Variants in TTN observed in about 807,000 individuals in gnomAD.
TTN encodes connectin.
Under a neutral mutation model 3,223.0 loss-of-function variants are expected in TTN, and 1,525 were observed. The ratio of observed to expected loss-of-function variants is 0.47; its 90% CI spans 0.45 to 0.49. The LOEUF (loss-of-function observed/expected upper bound fraction) is 0.49, where lower values mean the gene tolerates loss of function less well. Ranked by LOEUF, TTN falls within the 20% of genes least tolerant of loss-of-function variation. TTN has a pLI of 0.00. For synonymous variants in TTN, 14,094 were observed against 15,161.0 expected (o/e 0.93, Z 5.17); for missense variants, 40,786 against 43,424.0 (o/e 0.94, Z 5.40).
chr2:178,805,558 G>A (rs2094279131), intron 1 of TTN, among the ~76,000 whole-genome samples: 1 of 152,068 alleles, frequency 6.6e-6, no homozygotes, highest in Admixed American at 6.6e-5. Context: ...AGAAGCTTTG[G>A]CAAGCCTTAT....
intron 43 of TTN, among the ~76,000 whole-genome samples, chr2:178,759,420 T>C (rs532936214): frequency 1.3e-5 from 2 of 152,230 alleles, no homozygotes; most frequent in African/African-American, 4.8e-5. Flanking sequence ...TTTAAAATGA[T>C]AGAACTTCAG....
At position 178,733,672 on chromosome 2, in the gene TTN, C is replaced by T. The variant is rs72648932; in HGVS notation, c.15717G>A (p.Thr5239=). Residue 5239 remains threonine (T), a synonymous_variant, in exon 53 of 363, where the codon ACG becomes ACA. Transcript: ENST00000589042. ...TTCCAGCTTCATTTTCAGCCAGGCACGTGTATTTGCCTCCAAAACTAATCT... is the reference window on the plus strand; with the variant it reads ...TTCCAGCTTCATTTTCAGCCAGGCATGTGTATTTGCCTCCAAAACTAATCT... ...DVQISFGGKY[T]CLAENEAGSQ... 6,168 of 1,613,624 alleles carry T rather than the reference C, an allele frequency of 3.8e-3. 196 individuals carry two copies. The African/African-American group carries it at 0.072, about 19-fold the overall frequency.
At chr2:178,681,223 A>G in intron 137 of TTN, 52 bp from the exon 138 acceptor site, 2 of 1,506,880 alleles carry the variant, frequency 1.3e-6, no homozygotes, top group East Asian at 2.3e-5. Context: ...CTTGAATACT[A>G]TGTAATAAAT....
intron 47 of TTN, chr2:178,751,903 A>G: frequency 1.9e-6 from 3 of 1,595,012 alleles, no homozygotes; most frequent in African/African-American, 2.7e-5. Flanking sequence ...TAAAATATTC[A>G]GGCCAGGAGC....
At chr2:178,780,305 C>T (rs1342777837) in intron 21 of TTN, 100 bp from the exon 22 acceptor site, 1 of 1,072,844 alleles carries the variant, frequency 9.3e-7, no homozygotes, top group Non-Finnish European at 1.4e-6. Context: ...AAGTTGATAA[C>T]CAAAAACCAA....
chr2:178,718,338 A>G lies in TTN; in HGVS notation c.24768T>C (p.Ala8256=). 1.2e-6 allele frequency: 2 copies of G among 1,613,452 alleles called. No individual in the cohort carries two copies. The highest frequency in any genetic ancestry group is 1.7e-6 in the Non-Finnish European group (2 of 1,179,536). The change falls in exon 85 of 363, where the codon GCT becomes GCC. Residue 8256 remains alanine, a synonymous_variant. Coordinates refer to ENST00000589042, the MANE Select transcript of TTN (RefSeq NM_001267550.2). ...TCAACACACCTAAGACAGACACCAG[A>G]GCTTCACAGATATCTTGACCAGCCT... ...ENEAGQDICE[A]LVSVLEPPYF...
chr2:178,573,740 G>C lies in TTN; in HGVS notation c.72392C>G (p.Ala24131Gly). The change falls in exon 326 of 363, where the codon GCT (alanine) becomes GGT (glycine). Residue 24131 changes from alanine to glycine, a missense_variant. Ala to Gly is a moderately conservative substitution (Grantham distance 60). Coordinates refer to ENST00000589042, the MANE Select transcript of TTN (RefSeq NM_001267550.2). ...CTTTTCTGATGTCACTTCAGTTACA[G>C]CCAAAGGTCCTTCAGGTGGGCCTGG... ...DRPGPPEGPLAVTEVTSEKCV... is the reference protein window; with the variant it reads ...DRPGPPEGPLGVTEVTSEKCV... The C allele has an allele frequency of 6.4e-7, 1 of 1,573,060 alleles. No homozygotes were observed. The highest frequency in any genetic ancestry group is 8.6e-7 in the Non-Finnish European group (1 of 1,161,666).
Position 178,546,056 on chromosome 2 carries a change from A to G in TTN, c.95180T>C (p.Leu31727Ser). The change falls in exon 343 of 363, where the codon TTA becomes TCA. Residue 31727 changes from leucine (L) to serine (S), a missense_variant. By Grantham distance (145) the Leu-to-Ser change is moderately radical (BLOSUM62 -2). Coordinates refer to ENST00000589042, the MANE Select transcript of TTN (RefSeq NM_001267550.2). ...GTCTTCCTGCGGAAGGCTCCAGGCT[A>G]AAGTGCACTTCTCCTGTGTTACTCT... ...VSRVTQEKCT[L>S]AWSLPQEDGG... 2 of 1,613,692 alleles carry G rather than the reference A, an allele frequency of 1.2e-6. No homozygotes were observed. Among genetic ancestry groups the G allele is most frequent in the Non-Finnish European group, 8.5e-7 (1 of 1,179,700 alleles).
chr2:178,607,715 C>A lies in TTN; in HGVS notation c.53003-30G>T, dbSNP rs762096449. ...TGAAAGAGAACAGTCATGCATTAGC[C>A]CATGAAAGATTAAAAAATAGTCCCA... On this transcript the variant is annotated intron_variant, in intron 276 of 362. Coordinates refer to ENST00000589042, the MANE Select transcript of TTN (RefSeq NM_001267550.2). The A allele has an allele frequency of 2.5e-6, 4 of 1,611,872 alleles. No individual in the cohort carries two copies. The Admixed American group carries it at 5.0e-5, about 20-fold the overall frequency.
Position 178,592,045 on chromosome 2 carries a change from C to G in TTN, c.59859G>C (p.Ala19953=), listed in dbSNP as rs759120495. ...AAGGACCACGTCCATACTGGTTCTC[C>G]GCAGCTACTCGGAAGAGGTACTGGT... ...EGNQYLFRVA[A]ENQYGRGPFV... Residue 19953 remains alanine (A), a synonymous_variant, in exon 302 of 363, where the codon GCG becomes GCC. Transcript: ENST00000589042. The G allele has an allele frequency of 2.6e-5, 42 of 1,612,928 alleles. 1 individual carries two copies. The South Asian group carries it at 4.6e-4, about 18-fold the overall frequency.
rs1409894500 is a variant in TTN at position 178,774,014 on chromosome 2, T to C, written c.7154A>G (p.Glu2385Gly). Reference protein sequence around the residue: ...LEVKVSLESVEGVWMKDGQEV... With the variant: ...LEVKVSLESVGGVWMKDGQEV... ...TTGGCCGTCTTTCATCCAGACGCCT[T>C]CCACACTTTCCAAGGAGACTTTAAC... The change falls in exon 31 of 363, where the codon GAA (glutamate) becomes GGA (glycine). Residue 2385 changes from glutamate to glycine, a missense_variant. Glu to Gly is a moderately conservative substitution (Grantham distance 98). Transcript: ENST00000589042. 6.2e-7 allele frequency: 1 copy of C among 1,614,130 alleles called. No homozygotes were observed. The highest frequency in any genetic ancestry group is 1.1e-5 in the South Asian group (1 of 91,080).
chr2:178,638,114 C>A (rs2060727305), intron 223 of TTN, among the ~76,000 whole-genome samples: 1 of 151,858 alleles, frequency 6.6e-6, no homozygotes, highest in Non-Finnish European at 1.5e-5. Context: ...AGTTCATCAC[C>A]TTTTTCTGAA....
At position 178,564,798 on chromosome 2, in the gene TTN, T is replaced by C. The variant is rs534444792; in HGVS notation, c.81334A>G (p.Lys27112Glu). ...ACCCATAAAATACTGTTCTTTTCTT[T>C]CTGTTCAAGATGGTAGCCAATAATT... ...TKIIGYHLEQ[K>E]EKNSILWVKL... is the part of the protein sequence containing the mutation. Residue 27112 changes from lysine to glutamate, a missense_variant, in exon 326 of 363, where the codon AAA (lysine) becomes GAA (glutamate). Physicochemically the swap from Lys to Glu is moderately conservative, Grantham distance 56 (BLOSUM62 1). Transcript: ENST00000589042. 4 of 1,612,538 alleles carry C rather than the reference T, an allele frequency of 2.5e-6. No homozygotes were observed. In the South Asian group the frequency reaches 3.3e-5, roughly 13 times the overall value.
intron 80 of TTN, 40 bp downstream of exon 80, chr2:178,720,345 G>A (rs1239612260): frequency 6.3e-7 from 1 of 1,592,356 alleles, no homozygotes. Context: ...AGAACAGATA[G>A]GAGGAAGGGG....
intron 47 of TTN, among the ~76,000 whole-genome samples, chr2:178,744,183 A>G (rs1297135773): frequency 6.6e-6 from 1 of 151,930 alleles, no homozygotes; most frequent in Non-Finnish European, 1.5e-5. Flanking sequence ...AATATTGCTA[A>G]ATGCAGGTGA....
At chr2:178,749,876 G>A in intron 47 of TTN, 3 of 1,613,112 alleles carry the variant, frequency 1.9e-6, no homozygotes, top group Non-Finnish European at 2.5e-6. Context: ...AAGAATGATG[G>A]AATCCCCTTC....
In TTN at chr2:178,678,676, A is replaced by G. The variant is rs2068646913; in HGVS notation, c.33826+71T>C. The G allele has an allele frequency of 1.9e-5, 27 of 1,449,298 alleles. No individual in the cohort carries two copies. In the South Asian group the frequency reaches 3.4e-4, roughly 18 times the overall value. The allele number at this position is 1,449,298 out of a possible 1,614,324, so 89.8% of individuals were successfully genotyped here. A position where few individuals can be genotyped will look rare whatever the true frequency, so the allele number is the denominator to read the frequency against. On this transcript the variant is annotated intron_variant, in intron 143 of 362. Transcript: ENST00000589042. ...AGAGTTGCATCCCAAAGAGTACAGA[A>G]TTAAACCAATTAATTTTTACCCATA...
rs768917357 is a variant in TTN, at chr2:178,581,757, T to G, written c.66511A>C (p.Ser22171Arg). 2 of 1,606,404 alleles carry G rather than the reference T, an allele frequency of 1.2e-6. No homozygotes were observed. The highest frequency in any genetic ancestry group is 2.2e-5 in the South Asian group (2 of 90,200). The part of the protein sequence containing the change: ...AFPKVYDTTR[S>R]SVSLSWGKPA... Reference sequence around the variant, plus strand: ...TTGCCCCAAGATAGACTCACAGAGCTGCGAGTTGTATCATATACTTTAGGG... The same window carrying G: ...TTGCCCCAAGATAGACTCACAGAGCGGCGAGTTGTATCATATACTTTAGGG... The change falls in exon 316 of 363, where the codon AGC becomes CGC. Residue 22171 changes from serine (S) to arginine (R), a missense_variant. Coordinates refer to ENST00000589042, the MANE Select transcript of TTN (RefSeq NM_001267550.2).
chr2:178,624,545 T>C lies in TTN; in HGVS notation c.44735A>G (p.His14912Arg). The change falls in exon 242 of 363, where the codon CAT becomes CGT. Residue 14912 changes from histidine (H) to arginine (R), a missense_variant. Transcript: ENST00000589042. ...TTTAATATCCTCTGGGGTACAGTCA[T>C]GTATAACAAGTTTTCTGACCCTGCC... The part of the protein sequence containing the change: ...ADGRVRKLVI[H>R]DCTPEDIKTY... The C allele has an allele frequency of 6.2e-7, 1 of 1,612,856 alleles. No homozygotes were observed. Among genetic ancestry groups the C allele is most frequent in the Non-Finnish European group, 8.5e-7 (1 of 1,179,232 alleles).
Sources: allele counts gnomAD v4.1 joint callset (sites outside exome capture counted in the v4.1 genomes callset), GRCh38; gene constraint gnomAD v4.1.1; transcripts MANE v1.5; gene names NCBI Gene and HGNC (gene_info 2026-07-23, HGNC 2026-07-21).